Variants in CAPZA2 observed in about 807,000 individuals in gnomAD.
CAPZA2 encodes the protein capping actin protein of muscle Z-line subunit alpha 2, also known as F-actin-capping protein subunit alpha-2.
In CAPZA2, 13 loss-of-function variants were observed where a neutral mutation model predicts 44.0. That is an observed-to-expected ratio of 0.30 (90% confidence interval 0.19 to 0.47). The LOEUF (loss-of-function observed/expected upper bound fraction) is 0.47. Ranked by LOEUF, CAPZA2 falls within the 20% of genes least tolerant of loss-of-function variation. The pLI is 1.00. For synonymous variants in CAPZA2, 94 were observed against 108.2 expected (o/e 0.87, Z 0.81); for missense variants, 244 against 338.6 (o/e 0.72, Z 2.19).
chr7:116,888,039 C>A, intron 1 of CAPZA2, 88 bp from the exon 2 acceptor site: 2 of 911,724 alleles, frequency 2.2e-6, no homozygotes, highest in East Asian at 2.4e-5. Context: ...TTCAGTAGAG[C>A]TTTGAAATAA....
intron 5 of CAPZA2, among the ~76,000 whole-genome samples, chr7:116,905,792 A>C (rs1433293308): frequency 6.6e-6 from 1 of 152,220 alleles, no homozygotes; most frequent in Non-Finnish European, 1.5e-5. Flanking sequence ...CATCACAGGC[A>C]TTCTCTTAAC....
intron 6 of CAPZA2, among the ~76,000 whole-genome samples, chr7:116,908,932 G>A (rs1791550652): frequency 6.6e-6 from 1 of 152,084 alleles, no homozygotes; most frequent in Non-Finnish European, 1.5e-5. Context: ...GTAACTGTAA[G>A]TATGAGAATA....
intron 1 of CAPZA2, among the ~76,000 whole-genome samples, chr7:116,873,073 T>C (rs1796572024): frequency 6.6e-6 from 1 of 152,146 alleles, no homozygotes; most frequent in Admixed American, 6.6e-5. Context: ...TACCCTAATG[T>C]CTCCTTCCTT....
At chr7:116,917,265 T>C (rs1791692126) in intron 9 of CAPZA2, among the ~76,000 whole-genome samples, 1 of 152,194 alleles carries the variant, frequency 6.6e-6, no homozygotes, top group South Asian at 2.1e-4. Context: ...TTTATTTATT[T>C]ATTTTTGAAG....
At chr7:116,876,992 G>A (rs78458574) in intron 1 of CAPZA2, among the ~76,000 whole-genome samples, 1 of 152,276 alleles carries the variant, frequency 6.6e-6, no homozygotes, top group African/African-American at 2.4e-5. Flanking sequence ...GGCTGGCCGG[G>A]ACCCAAAGCT....
intron 8 of CAPZA2, among the ~76,000 whole-genome samples, chr7:116,912,495 C>G (rs1356632421): frequency 6.6e-6 from 1 of 152,162 alleles, no homozygotes; most frequent in Non-Finnish European, 1.5e-5. Context: ...GCCCTTCCCC[C>G]AGAACCCTCC....
rs1402105948 is a variant in CAPZA2 at position 116,862,591 on chromosome 7, C to T, written c.-21C>T. 9 of 1,536,040 alleles carry T rather than the reference C, an allele frequency of 5.9e-6. No homozygotes were observed. Among genetic ancestry groups the T allele is most frequent in the Non-Finnish European group, 7.9e-6 (9 of 1,140,562 alleles). On this transcript the variant is annotated 5_prime_UTR_variant, in exon 1 of 10. Transcript: ENST00000361183. ...GTGGCCGCTGCCGCCGCCGCCGCCG[C>T]GGTTTGTCGCCAGAAGGAAGATGGC...
chr7:116,905,873 A>G (rs1791491904), intron 5 of CAPZA2, among the ~76,000 whole-genome samples: 1 of 152,216 alleles, frequency 6.6e-6, no homozygotes, highest in Non-Finnish European at 1.5e-5. Flanking sequence ...AGCAGCCCCT[A>G]AGATTGTGAA....
chr7:116,866,255 T>G (rs2115862365), intron 1 of CAPZA2, among the ~76,000 whole-genome samples: 1 of 151,178 alleles, frequency 6.6e-6, no homozygotes, highest in South Asian at 2.1e-4. Context: ...CACTGCAAGC[T>G]CCGCCTCCTG....
rs1290207650 is a variant in CAPZA2 at position 116,869,120 on chromosome 7, C to G, written c.39+6470C>G. On this transcript the variant is annotated intron_variant, in intron 1 of 9. Coordinates refer to ENST00000361183, the MANE Select transcript of CAPZA2 (RefSeq NM_006136.3). ...TGGATCTGTGGTTCCAAGCTATGACCTAAAAGCCTAATCAGTCACCTGAAG... is the reference window on the plus strand; with the variant it reads ...TGGATCTGTGGTTCCAAGCTATGACGTAAAAGCCTAATCAGTCACCTGAAG... 2.0e-5 allele frequency among the ~76,000 whole-genome samples: 3 copies of G among 152,210 alleles called. No homozygotes were observed. In the South Asian group the frequency reaches 6.2e-4, roughly 32 times the overall value.
chr7:116,916,395 C>A (rs1791679461), intron 9 of CAPZA2, among the ~76,000 whole-genome samples: 1 of 152,204 alleles, frequency 6.6e-6, no homozygotes, highest in Admixed American at 6.5e-5. Flanking sequence ...GAAGCCGAGG[C>A]AGGTGGATCA....
At position 116,919,095 on chromosome 7, in the gene CAPZA2, TG is replaced by T. The variant is rs1340633999; in HGVS notation, c.*1229del. 6.6e-5 allele frequency: 10 copies of T among 151,660 alleles called. No individual in the cohort carries two copies. The highest frequency in any genetic ancestry group is 1.9e-4 in the East Asian group (1 of 5,192). 9.4% of individuals were successfully genotyped at this position (151,660 alleles called of 1,614,324 possible). A position where few individuals can be genotyped will look rare whatever the true frequency, so the allele number is the denominator to read the frequency against. The stretch of plus-strand genomic sequence containing the variant: ...AAATTTTTTTTTTATTTTATTTTAT[TG>T]TTTTTTTTTTTAGAAAAACACCACT... On this transcript the variant is annotated 3_prime_UTR_variant, in exon 10 of 10. Coordinates refer to ENST00000361183, the MANE Select transcript of CAPZA2 (RefSeq NM_006136.3).
In CAPZA2 at chr7:116,888,425, A is replaced by G. The variant is rs1585006851; in HGVS notation, c.103+235A>G. The G allele has an allele frequency of 3.6e-5, 14 of 392,904 alleles. No homozygotes were observed. The South Asian group carries it at 6.9e-4, about 19-fold the overall frequency. 24.3% of individuals were successfully genotyped at this position (392,904 alleles called of 1,614,324 possible). A position where few individuals can be genotyped will look rare whatever the true frequency, so the allele number is the denominator to read the frequency against. On this transcript the variant is annotated intron_variant, in intron 2 of 9. Coordinates refer to ENST00000361183, the MANE Select transcript of CAPZA2 (RefSeq NM_006136.3). ...AAAGCCTGAAATAAATTTTATTCATATCACTGACTAGAATATATCCTCATT... is the reference window on the plus strand; with the variant it reads ...AAAGCCTGAAATAAATTTTATTCATGTCACTGACTAGAATATATCCTCATT...
At position 116,904,402 on chromosome 7, in the gene CAPZA2, C is replaced by T. The variant is rs1791457909; in HGVS notation, c.426+19C>T. The T allele has an allele frequency of 6.7e-7, 1 of 1,494,418 alleles. No homozygotes were observed. The highest frequency in any genetic ancestry group is 1.4e-5 in the African/African-American group (1 of 72,558). 92.6% of individuals were successfully genotyped at this position (1,494,418 alleles called of 1,614,324 possible). A position where few individuals can be genotyped will look rare whatever the true frequency, so the allele number is the denominator to read the frequency against. On this transcript the variant is annotated intron_variant, in intron 5 of 9. Transcript: ENST00000361183. ...CTGCACTGTAAGTCATCAGTAGCAG[C>T]TTTGTGTGTGTGTTTTGTGTAAATG...
intron 8 of CAPZA2, among the ~76,000 whole-genome samples, chr7:116,915,076 G>A (rs1403513003): frequency 3.3e-5 from 5 of 152,124 alleles, no homozygotes; most frequent in African/African-American, 4.8e-5. Context: ...TCAGGAGTGC[G>A]AGACCAGCCT....
At chr7:116,896,085 AT>A (rs1216513434) in intron 3 of CAPZA2, among the ~76,000 whole-genome samples, 1 of 152,004 alleles carries the variant, frequency 6.6e-6, no homozygotes, top group African/African-American at 2.4e-5. Flanking sequence ...TTGATGTTGA[AT>A]TTCTTTTATA....
At chr7:116,911,928 A>AGTCC in intron 7 of CAPZA2, 141 bp from the exon 8 acceptor site, 1 of 1,372,548 alleles carries the variant, frequency 7.3e-7, no homozygotes, top group Non-Finnish European at 9.8e-7. Context: ...GTCTTGCTGG[A>AGTCC]GTTCAAAAGT....
intron 5 of CAPZA2, 107 bp from the exon 6 acceptor site, chr7:116,906,156 G>T: frequency 6.9e-7 from 1 of 1,444,818 alleles, no homozygotes. Flanking sequence ...TGTATTTTAT[G>T]TGTTCTTGTC....
intron 1 of CAPZA2, among the ~76,000 whole-genome samples, chr7:116,865,819 G>C (rs1315160151): frequency 1.3e-5 from 2 of 152,086 alleles, no homozygotes; most frequent in African/African-American, 4.8e-5. Flanking sequence ...TGGCTCAAAC[G>C]ATCCTCCCAC....
Sources: allele counts gnomAD v4.1 joint callset (sites outside exome capture counted in the v4.1 genomes callset), GRCh38; gene constraint gnomAD v4.1.1; transcripts MANE v1.5; gene names NCBI Gene and HGNC (gene_info 2026-07-23, HGNC 2026-07-21).